KIF6: variants seen among roughly 807,000 people sequenced by gnomAD.
KIF6 encodes kinesin-like protein KIF6.
In KIF6, 106 loss-of-function variants were observed where a neutral mutation model predicts 112.7. That is an observed-to-expected ratio of 0.94 (90% CI 0.80 to 1.11). The LOEUF (loss-of-function observed/expected upper bound fraction) is 1.11, where lower values mean the gene tolerates loss of function less well. Among genes scored for constraint, KIF6 ranks in the 50% least tolerant of loss-of-function variants. The probability of loss-of-function intolerance (pLI) is 0.00; values close to 1 mark genes in which losing one functional copy is unlikely to be tolerated. For missense variants in KIF6, 929 were observed against 964.0 expected (o/e 0.96, Z 0.48); for synonymous variants, 339 against 339.9 (o/e 1.00, Z 0.03).
intron 7 of KIF6, among the ~76,000 whole-genome samples, chr6:39,595,752 G>A (rs1582228196): frequency 6.6e-6 from 1 of 152,256 alleles, no homozygotes; most frequent in East Asian, 1.9e-4. Flanking sequence ...ACCTGAAATA[G>A]GCAAATTCAT....
At chr6:39,357,754 G>T (rs1764825427) in intron 18 of KIF6, among the ~76,000 whole-genome samples, 1 of 152,076 alleles carries the variant, frequency 6.6e-6, no homozygotes, top group African/African-American at 2.4e-5. Flanking sequence ...CGGCCTTGAT[G>T]TAATTCTTAA....
At chr6:39,347,530 A>G (rs1763899906) in intron 19 of KIF6, among the ~76,000 whole-genome samples, 1 of 152,222 alleles carries the variant, frequency 6.6e-6, no homozygotes, top group African/African-American at 2.4e-5. Context: ...CTGTGGTTAC[A>G]AGGTCCTTAC....
rs918582780 is a variant in KIF6 at position 39,336,226 on chromosome 6, A to G, written c.*306T>C. ...TTCTCAAAAGCTTATAAAGATCTAC[A>G]CAAAACGTCACTACAACAGTGAGCT... On this transcript the variant is annotated 3_prime_UTR_variant, in exon 23 of 23. Coordinates refer to ENST00000287152, the MANE Select transcript of KIF6 (RefSeq NM_145027.6). 7 of 369,252 alleles carry G rather than the reference A, an allele frequency of 1.9e-5. No homozygotes were observed. The highest frequency in any genetic ancestry group is 4.5e-5 in the Admixed American group (1 of 22,038). 22.9% of individuals were successfully genotyped at this position (369,252 alleles called of 1,614,324 possible).
intron 14 of KIF6, among the ~76,000 whole-genome samples, chr6:39,430,118 GC>G (rs1446961201): frequency 6.6e-6 from 1 of 151,970 alleles, no homozygotes; most frequent in Non-Finnish European, 1.5e-5. Context: ...TCTTGACTTG[GC>G]TATCAGGACA....
At chr6:39,431,875 T>C (rs1350783511) in intron 13 of KIF6, among the ~76,000 whole-genome samples, 1 of 151,782 alleles carries the variant, frequency 6.6e-6, no homozygotes, top group Non-Finnish European at 1.5e-5. Flanking sequence ...CCTCCCGGAG[T>C]GAGGGTCAGC....
intron 19 of KIF6, among the ~76,000 whole-genome samples, chr6:39,349,629 CTCTTTT>C (rs1420309804): frequency 3.1e-5 from 3 of 98,142 alleles, no homozygotes; most frequent in African/African-American, 9.4e-5. Context: ...TAATTTGTGG[CTCTTTT>C]TTTTTTTTTT....
chr6:39,646,439 C>T (rs1400873555), intron 3 of KIF6, among the ~76,000 whole-genome samples: 1 of 152,122 alleles, frequency 6.6e-6, no homozygotes, highest in East Asian at 1.9e-4. Context: ...AAAACAGTTA[C>T]ACAAAGTATG....
intron 10 of KIF6, among the ~76,000 whole-genome samples, chr6:39,555,222 G>C (rs559501581): frequency 2.6e-5 from 4 of 152,200 alleles, no homozygotes; most frequent in African/African-American, 7.2e-5. Flanking sequence ...TCCTCCTGGA[G>C]CCCTCCCCAA....
chr6:39,442,265 C>A (rs1771963135), intron 13 of KIF6, among the ~76,000 whole-genome samples: 2 of 152,314 alleles, frequency 1.3e-5, no homozygotes, highest in South Asian at 4.1e-4. Context: ...GGCTGGCTTG[C>A]CAAAGGAGTG....
intron 3 of KIF6, among the ~76,000 whole-genome samples, chr6:39,685,582 G>A (rs184923749): frequency 1.3e-5 from 2 of 152,318 alleles, no homozygotes; most frequent in Admixed American, 6.5e-5. Context: ...GAAATATGCA[G>A]GCATGAGTCT....
At chr6:39,684,798 A>C (rs1787760122) in intron 3 of KIF6, among the ~76,000 whole-genome samples, 1 of 152,144 alleles carries the variant, frequency 6.6e-6, no homozygotes, top group South Asian at 2.1e-4. Flanking sequence ...TCGAAAAAAA[A>C]AAAAAGAAAG....
At chr6:39,476,079 A>G (rs973494476) in intron 13 of KIF6, among the ~76,000 whole-genome samples, 2 of 152,114 alleles carry the variant, frequency 1.3e-5, no homozygotes, top group Non-Finnish European at 2.9e-5. Flanking sequence ...ATCAGTATAA[A>G]TAGCTAATGC....
intron 3 of KIF6, among the ~76,000 whole-genome samples, chr6:39,708,425 G>A (rs1370146236): frequency 1.3e-5 from 2 of 152,154 alleles, no homozygotes; most frequent in Non-Finnish European, 2.9e-5. Flanking sequence ...AACCAGTGGT[G>A]GCTCATAATG....
intron 3 of KIF6, among the ~76,000 whole-genome samples, chr6:39,655,961 CTAATT>C (rs1243370093): frequency 6.6e-6 from 1 of 152,112 alleles, no homozygotes. Flanking sequence ...TCAGTTGCTC[CTAATT>C]TATTTGACCA....
At chr6:39,374,285 A>G (rs529388569) in intron 16 of KIF6, among the ~76,000 whole-genome samples, 1 of 151,152 alleles carries the variant, frequency 6.6e-6, no homozygotes, top group South Asian at 2.1e-4. Flanking sequence ...AGAAAAAAAC[A>G]TAAGGGGAAT....
At chr6:39,509,162 A>G (rs1176371200) in intron 13 of KIF6, among the ~76,000 whole-genome samples, 1 of 152,190 alleles carries the variant, frequency 6.6e-6, no homozygotes, top group African/African-American at 2.4e-5. Flanking sequence ...GAAAACTAAC[A>G]AACAGAAAGG....
At chr6:39,449,961 A>G (rs573644365) in intron 13 of KIF6, among the ~76,000 whole-genome samples, 2 of 152,198 alleles carry the variant, frequency 1.3e-5, no homozygotes, top group African/African-American at 4.8e-5. Flanking sequence ...TCACCTCACT[A>G]TTCTGCTGTC....
chr6:39,414,694 G>A (rs1327125581), intron 15 of KIF6, among the ~76,000 whole-genome samples: 1 of 152,214 alleles, frequency 6.6e-6, no homozygotes, highest in South Asian at 2.1e-4. Context: ...TGAGCCTTTT[G>A]TTAGGCATAT....
chr6:39,367,857 G>C (rs1344399188), intron 16 of KIF6, among the ~76,000 whole-genome samples: 1 of 151,968 alleles, frequency 6.6e-6, no homozygotes, highest in Non-Finnish European at 1.5e-5. Context: ...CTCAACTGGG[G>C]GTGCACATCA....
Sources: allele counts gnomAD v4.1 joint callset (sites outside exome capture counted in the v4.1 genomes callset), GRCh38; gene constraint gnomAD v4.1.1; transcripts MANE v1.5; gene names NCBI Gene and HGNC (gene_info 2026-07-23, HGNC 2026-07-21).